Variants in MAML3 observed in about 807,000 individuals in gnomAD.
MAML3 encodes the protein mastermind like transcriptional coactivator 3.
In MAML3, 27 loss-of-function variants were observed where a neutral mutation model predicts 101.9. The ratio of observed to expected loss-of-function variants is 0.27; its 90% CI spans 0.20 to 0.37. The LOEUF (loss-of-function observed/expected upper bound fraction) is 0.37, where lower values mean the gene tolerates loss of function less well. MAML3 is among the 10% of genes least tolerant of loss of function. The pLI is 1.00. For synonymous variants in MAML3, 501 were observed against 555.9 expected, an observed-to-expected ratio of 0.90 and a Z score of 1.39; for missense variants, 1,316 against 1,444.9, an observed-to-expected ratio of 0.91 and a Z score of 1.45.
intron 1 of MAML3, among the ~76,000 whole-genome samples, chr4:140,030,645 C>A (rs1726892672): frequency 6.6e-6 from 1 of 152,182 alleles, no homozygotes; most frequent in Non-Finnish European, 1.5e-5. Flanking sequence ...CCCTTCAACT[C>A]CCTAGGCATT....
In MAML3 at chr4:139,882,321, A is replaced by AT. The variant is rs897751808; in HGVS notation, c.2079+7035dup. Among the ~76,000 whole-genome samples, 50 of 150,792 alleles carry AT rather than the reference A, an allele frequency of 3.3e-4. 1 individual carries two copies. Among genetic ancestry groups the AT allele is most frequent in the African/African-American group, 8.5e-4 (35 of 41,078 alleles). On this transcript the variant is annotated intron_variant, in intron 2 of 4. Transcript: ENST00000509479. Reference sequence around the variant, plus strand: ...AGATCTTAAGGACACACAATTCCAGATTTTTTTTTTAAAAAGTGCATAGTA... The same window carrying AT: ...AGATCTTAAGGACACACAATTCCAGATTTTTTTTTTTAAAAAGTGCATAGTA...
At chr4:140,044,016 T>G (rs1727137175) in intron 1 of MAML3, among the ~76,000 whole-genome samples, 1 of 152,180 alleles carries the variant, frequency 6.6e-6, no homozygotes, top group African/African-American at 2.4e-5. Flanking sequence ...TAATACCCGT[T>G]CATTTTTCAT....
At chr4:139,979,034 T>C (rs1412570157) in intron 1 of MAML3, among the ~76,000 whole-genome samples, 2 of 152,206 alleles carry the variant, frequency 1.3e-5, no homozygotes, top group Non-Finnish European at 2.9e-5. Flanking sequence ...GTGGTACTAG[T>C]AAAATCATAA....
At chr4:139,796,298 C>T (rs1730510098) in intron 2 of MAML3, among the ~76,000 whole-genome samples, 1 of 152,196 alleles carries the variant, frequency 6.6e-6, no homozygotes, top group African/African-American at 2.4e-5. Context: ...TTACACTTCA[C>T]ATGTCTGACA....
At chr4:139,901,988 A>G (rs991093744) in intron 1 of MAML3, among the ~76,000 whole-genome samples, 1 of 152,210 alleles carries the variant, frequency 6.6e-6, no homozygotes, top group African/African-American at 2.4e-5. Context: ...GGGTGCCCAG[A>G]CCTGAGACTG....
At chr4:140,109,557 C>T (rs547956810) in intron 1 of MAML3, among the ~76,000 whole-genome samples, 13 of 152,308 alleles carry the variant, frequency 8.5e-5, no homozygotes, top group African/African-American at 2.6e-4. Context: ...GACAGCCACG[C>T]AACACCCAGA....
chr4:140,146,104 C>T (rs1419053922), intron 1 of MAML3, among the ~76,000 whole-genome samples: 1 of 151,888 alleles, frequency 6.6e-6, no homozygotes, highest in East Asian at 1.9e-4. Flanking sequence ...AACTCCTGAT[C>T]TCAACTGATC....
intron 2 of MAML3, among the ~76,000 whole-genome samples, chr4:139,749,091 T>A (rs1729417837): frequency 6.6e-6 from 1 of 152,168 alleles, no homozygotes; most frequent in Non-Finnish European, 1.5e-5. Flanking sequence ...TGGAAAAATA[T>A]ATTTCCTTCC....
chr4:139,740,278 T>G (rs2111020703), intron 2 of MAML3: 1 of 152,194 alleles, frequency 6.6e-6, no homozygotes, highest in South Asian at 2.1e-4. Flanking sequence ...GAGAGGTGGG[T>G]GAAAACTGCC....
intron 1 of MAML3, among the ~76,000 whole-genome samples, chr4:140,001,119 T>C (rs1734916048): frequency 6.6e-6 from 1 of 152,204 alleles, no homozygotes; most frequent in Non-Finnish European, 1.5e-5. Context: ...TCTCAAACTA[T>C]CAAAACATAG....
intron 1 of MAML3, among the ~76,000 whole-genome samples, chr4:139,964,088 A>G (rs1734077522): frequency 6.6e-6 from 1 of 152,204 alleles, no homozygotes; most frequent in Admixed American, 6.5e-5. Flanking sequence ...CAGCAATCCC[A>G]TTGCTGGGTA....
chr4:139,989,623 A>G (rs2110824288), intron 1 of MAML3, among the ~76,000 whole-genome samples: 1 of 152,070 alleles, frequency 6.6e-6, no homozygotes, highest in South Asian at 2.1e-4. Flanking sequence ...CCTATCCCAC[A>G]TGCAACACCA....
At chr4:139,917,807 G>A (rs1268513991) in intron 1 of MAML3, among the ~76,000 whole-genome samples, 1 of 152,132 alleles carries the variant, frequency 6.6e-6, no homozygotes, top group Non-Finnish European at 1.5e-5. Context: ...TTTATTGGGT[G>A]GAAAGTAGGA....
intron 1 of MAML3, among the ~76,000 whole-genome samples, chr4:139,970,164 A>C (rs1029035399): frequency 2.6e-5 from 4 of 152,214 alleles, no homozygotes; most frequent in African/African-American, 9.6e-5. Context: ...GAAGTCTGCA[A>C]ATGAGTGTTG....
rs774777454 is a variant in MAML3, at chr4:139,720,068, C to A, written c.2672G>T (p.Ser891Ile). ...TCCCTGGGCTTGGTTATGTGTGATG[C>A]TCATGCCACTTTGGTTTGGATGCTG... ...MLQHPNQSGM[S>I]ITHNQAQGPR... Residue 891 changes from serine (S) to isoleucine (I), a missense_variant, in exon 5 of 5, where the codon AGC becomes ATC. Ser to Ile is a moderately radical substitution (Grantham distance 142). Transcript: ENST00000509479. 2.4e-5 allele frequency: 39 copies of A among 1,613,974 alleles called. No individual in the cohort carries two copies. The South Asian group carries it at 4.2e-4, about 17-fold the overall frequency.
chr4:139,864,440 AGGCCGAGGTG>A (rs1731850903), intron 2 of MAML3, among the ~76,000 whole-genome samples: 1 of 152,154 alleles, frequency 6.6e-6, no homozygotes, highest in Non-Finnish European at 1.5e-5. Context: ...GCACTTTGGG[AGGCCGAGGTG>A]GGCAGATCAC....
chr4:139,730,503 G>A lies in MAML3; in HGVS notation c.2244C>T (p.Ala748=). The A allele has an allele frequency of 6.4e-7, 1 of 1,555,510 alleles. No homozygotes were observed. Among genetic ancestry groups the A allele is most frequent in the South Asian group, 1.2e-5 (1 of 84,256 alleles). The part of the protein sequence containing the change: ...IMKQMLIDQR[A]QLIEQQKQQF... ...GTTGCTTCTGCTGCTCTATCAACTG[G>A]GCCCGCTGATCAATGAGCATCTGCT... Residue 748 remains alanine, a synonymous_variant, in exon 3 of 5, where the codon GCC becomes GCT. Coordinates refer to ENST00000509479, the MANE Select transcript of MAML3 (RefSeq NM_018717.5).
intron 1 of MAML3, among the ~76,000 whole-genome samples, chr4:139,959,061 A>G (rs1386983694): frequency 6.6e-6 from 1 of 152,208 alleles, no homozygotes; most frequent in Non-Finnish European, 1.5e-5. Flanking sequence ...GTTGAGACTG[A>G]ATCAAGGAGC....
At chr4:139,753,615 T>A (rs1210974023) in intron 2 of MAML3, among the ~76,000 whole-genome samples, 6 of 152,154 alleles carry the variant, frequency 3.9e-5, no homozygotes, top group Non-Finnish European at 5.9e-5. Context: ...ATATCTGTAT[T>A]AGGGCAACTG....
Sources: gnomAD v4.1 joint callset for allele counts (sites outside exome capture counted in the v4.1 genomes callset) on GRCh38, gnomAD v4.1.1 for gene constraint, MANE v1.5 for transcripts, NCBI Gene and HGNC (gene_info 2026-07-23, HGNC 2026-07-21) for gene names.